The following PCOLCE2 variants were observed in gnomAD, a reference collection of about 807,000 sequenced individuals.
PCOLCE2 encodes procollagen C-proteinase enhancer 2.
In PCOLCE2, 42 loss-of-function variants were observed where a neutral mutation model predicts 47.0. The ratio of observed to expected loss-of-function variants is 0.89; its 90% CI spans 0.70 to 1.16. PCOLCE2 has a LOEUF of 1.16. PCOLCE2 is among the 50% of genes most tolerant of loss of function. The pLI is 0.00. For missense variants in PCOLCE2, 500 were observed against 526.1 expected (o/e 0.95, Z 0.49); for synonymous variants, 169 against 191.7 (o/e 0.88, Z 0.98).
At position 142,820,965 on chromosome 3, in the gene PCOLCE2, CTT is replaced by C; in HGVS notation, c.1028_1029del (p.Lys343ArgfsTer41). The C allele has an allele frequency of 6.2e-7, 1 of 1,614,086 alleles. No individual in the cohort carries two copies. Among genetic ancestry groups the C allele is most frequent in the African/African-American group, 1.3e-5 (1 of 75,028 alleles). ...HATVSIINIY[K>X]EGNLAIQQAG... Reference sequence around the variant, plus strand: ...GCCTGCTGAATCGCCAAATTTCCCTCTTTGTAGATGTTGATGATCGAGACTGT... The same window carrying C: ...GCCTGCTGAATCGCCAAATTTCCCTCTGTAGATGTTGATGATCGAGACTGT... On this transcript the variant is annotated frameshift_variant, in exon 8 of 9. Transcript: ENST00000295992. LOFTEE classifies it high-confidence loss of function.
In PCOLCE2 at chr3:142,818,181, CT is replaced by C; in HGVS notation, c.*153del. ...AACTTCCCTCAGCTATCTCGGAGGCCTCATACCTCCATCATGTGAAGAGTCA... is the reference window on the plus strand; with the variant it reads ...AACTTCCCTCAGCTATCTCGGAGGCCCATACCTCCATCATGTGAAGAGTCA... On this transcript the variant is annotated 3_prime_UTR_variant, in exon 9 of 9. Coordinates refer to ENST00000295992, the MANE Select transcript of PCOLCE2 (RefSeq NM_013363.4). 1.5e-6 allele frequency: 1 copy of C among 668,196 alleles called. No individual in the cohort carries two copies. Among genetic ancestry groups the C allele is most frequent in the Non-Finnish European group, 2.5e-6 (1 of 403,158 alleles). 41.4% of individuals were successfully genotyped at this position (668,196 alleles called of 1,614,324 possible). A position where few individuals can be genotyped will look rare whatever the true frequency, so the allele number is the denominator to read the frequency against.
intron 2 of PCOLCE2, among the ~76,000 whole-genome samples, chr3:142,857,388 T>C (rs1294153447): frequency 2.6e-5 from 4 of 152,188 alleles, no homozygotes; most frequent in Non-Finnish European, 5.9e-5. Flanking sequence ...CTTTCACATT[T>C]AGCCATGTGT....
chr3:142,857,905 C>T (rs534199452), intron 2 of PCOLCE2, among the ~76,000 whole-genome samples: 1 of 152,202 alleles, frequency 6.6e-6, no homozygotes, highest in Non-Finnish European at 1.5e-5. Flanking sequence ...TCATCTACCC[C>T]CCAGCCATTT....
chr3:142,855,572 G>A (rs1933044672), intron 2 of PCOLCE2, among the ~76,000 whole-genome samples: 1 of 152,240 alleles, frequency 6.6e-6, no homozygotes, highest in East Asian at 1.9e-4. Context: ...AGAGGCTGAG[G>A]AGATGCTCCC....
At chr3:142,829,671 C>G in intron 6 of PCOLCE2, 21 bp downstream of exon 6, 1 of 1,546,294 alleles carries the variant, frequency 6.5e-7, no homozygotes, top group Non-Finnish European at 8.7e-7. Flanking sequence ...TTTGCACAAA[C>G]TTCCAAACAG....
intron 2 of PCOLCE2, among the ~76,000 whole-genome samples, chr3:142,885,868 G>A (rs1409314321): frequency 1.3e-5 from 2 of 152,058 alleles, no homozygotes; most frequent in African/African-American, 2.4e-5. Context: ...TACCTTCTTC[G>A]CTTCTCTTCC....
chr3:142,842,985 G>A lies in PCOLCE2; in HGVS notation c.512C>T (p.Pro171Leu). 1 of 1,613,710 alleles carries A rather than the reference G, an allele frequency of 6.2e-7. No individual in the cohort carries two copies. The highest frequency in any genetic ancestry group is 1.1e-5 in the South Asian group (1 of 91,064). Reference sequence around the variant, plus strand: ...GACTCCTGCAGGGTAATCCCGGTCTGGCCAGTTGGGGGTTTTAAAAGAGCC... The same window carrying A: ...GACTCCTGCAGGGTAATCCCGGTCTAGCCAGTTGGGGGTTTTAAAAGAGCC... Reference protein sequence around the residue: ...PSGSFKTPNWPDRDYPAGVTC... With the variant: ...PSGSFKTPNWLDRDYPAGVTC... Residue 171 changes from proline to leucine, a missense_variant, in exon 4 of 9, where the codon CCA becomes CTA. Transcript: ENST00000295992. The surrounding 1 kb of genome is among the most constrained non-coding windows in gnomAD (Gnocchi z 4.1).
chr3:142,839,670 G>A (rs570918623), intron 4 of PCOLCE2, among the ~76,000 whole-genome samples: 5 of 152,160 alleles, frequency 3.3e-5, no homozygotes, highest in Non-Finnish European at 7.3e-5. Context: ...TAATAACTAT[G>A]TGAGGTGGAT....
chr3:142,846,058 T>C (rs1937325365), intron 3 of PCOLCE2, among the ~76,000 whole-genome samples: 2 of 152,310 alleles, frequency 1.3e-5, no homozygotes, highest in East Asian at 1.9e-4. Context: ...TCTTCTTCTG[T>C]ATGGAATTTA....
At chr3:142,864,909 G>T (rs1405545458) in intron 2 of PCOLCE2, among the ~76,000 whole-genome samples, 1 of 151,992 alleles carries the variant, frequency 6.6e-6, no homozygotes, top group Non-Finnish European at 1.5e-5. Flanking sequence ...CCTGTTGATG[G>T]GTATTTGAAA....
At position 142,818,224 on chromosome 3, in the gene PCOLCE2, G is replaced by A. The variant is rs917201733; in HGVS notation, c.*111C>T. 65 of 1,056,620 alleles carry A rather than the reference G, an allele frequency of 6.2e-5. No individual in the cohort carries two copies. In the Middle Eastern group the frequency reaches 6.7e-4, roughly 11 times the overall value. 65.5% of individuals were successfully genotyped at this position (1,056,620 alleles called of 1,614,324 possible). A position where few individuals can be genotyped will look rare whatever the true frequency, so the allele number is the denominator to read the frequency against. On this transcript the variant is annotated 3_prime_UTR_variant, in exon 9 of 9. Coordinates refer to ENST00000295992, the MANE Select transcript of PCOLCE2 (RefSeq NM_013363.4). ...GAAGAGTCAACCAGTCCCATCTTTC[G>A]GAATCCTCTTTCAGAATATGTAATT...
intron 5 of PCOLCE2, among the ~76,000 whole-genome samples, chr3:142,833,184 TTTC>T (rs1184402262): frequency 3.9e-5 from 6 of 152,308 alleles, no homozygotes; most frequent in Admixed American, 1.3e-4. Context: ...GCATTTTTTT[TTTC>T]TTTTTTGTTT....
Position 142,828,048 on chromosome 3 carries a change from C to T in PCOLCE2, c.865+1644G>A, listed in dbSNP as rs533681266. Among the ~76,000 whole-genome samples the T allele has an allele frequency of 9.2e-5, 14 of 152,308 alleles. No homozygotes were observed. In the South Asian group the frequency reaches 1.9e-3, roughly 20 times the overall value. Reference sequence around the variant, plus strand: ...TCTGAATTTGTGCCATAGCACAGTTCGCCTGGACCAGCACGAGACTCTGGT... The same window carrying T: ...TCTGAATTTGTGCCATAGCACAGTTTGCCTGGACCAGCACGAGACTCTGGT... On this transcript the variant is annotated intron_variant, in intron 6 of 8. Transcript: ENST00000295992.
At chr3:142,848,082 G>A (rs1361967816) in intron 3 of PCOLCE2, 135 bp downstream of exon 3, 2 of 785,266 alleles carry the variant, frequency 2.5e-6, no homozygotes, top group Admixed American at 2.9e-5. Context: ...TTTTGTATTG[G>A]TCTCATCATG....
intron 2 of PCOLCE2, among the ~76,000 whole-genome samples, chr3:142,853,771 T>G (rs1274653983): frequency 6.6e-6 from 1 of 152,238 alleles, no homozygotes; most frequent in Non-Finnish European, 1.5e-5. Context: ...AAACTCAAGG[T>G]GCTTTTTTGG....
chr3:142,887,574 C>G lies in PCOLCE2; in HGVS notation c.192+95G>C, dbSNP rs73864495. 5.3e-3 allele frequency: 3,665 copies of G among 693,006 alleles called. 110 individuals carry two copies. In the African/African-American group the frequency reaches 0.059, roughly 11 times the overall value. The allele number at this position is 693,006 out of a possible 1,614,324, so 42.9% of individuals were successfully genotyped here. A position where few individuals can be genotyped will look rare whatever the true frequency, so the allele number is the denominator to read the frequency against. ...ATTTCACTATTTCAGGCATTTGCCTCTTACTCAAATCCTAACACCAGAGGA... is the reference window on the plus strand; with the variant it reads ...ATTTCACTATTTCAGGCATTTGCCTGTTACTCAAATCCTAACACCAGAGGA... On this transcript the variant is annotated intron_variant, in intron 2 of 8. Transcript: ENST00000295992.
At position 142,820,687 on chromosome 3, in the gene PCOLCE2, A is replaced by C. The variant is rs147252903; in HGVS notation, c.1117+191T>G. ...CAAACGCTTCTTTCACTTGTTCATC[A>C]TGTCCACTACCCCTTCTTCTGCCAC... On this transcript the variant is annotated intron_variant, in intron 8 of 8. Transcript: ENST00000295992. Among the ~76,000 whole-genome samples the C allele has an allele frequency of 6.2e-3, 938 of 152,304 alleles. 16 individuals are homozygous for C. The highest frequency in any genetic ancestry group is 0.027 in the East Asian group (138 of 5,186).
intron 7 of PCOLCE2, 52 bp downstream of exon 7, chr3:142,823,480 T>A (rs531251987): frequency 1.3e-5 from 14 of 1,044,730 alleles, no homozygotes; most frequent in Middle Eastern, 2.0e-4. Flanking sequence ...AGATTAAGCA[T>A]GCAGCCTCAA....
At chr3:142,866,865 G>A (rs1279987583) in intron 2 of PCOLCE2, among the ~76,000 whole-genome samples, 1 of 152,220 alleles carries the variant, frequency 6.6e-6, no homozygotes, top group Non-Finnish European at 1.5e-5. Context: ...AAGCAAGCAG[G>A]CTTGCATATG....
Sources: allele counts gnomAD v4.1 joint callset (sites outside exome capture counted in the v4.1 genomes callset), GRCh38; gene constraint gnomAD v4.1.1; non-coding constraint Gnocchi (gnomAD v3.1); transcripts MANE v1.5; gene names NCBI Gene and HGNC (gene_info 2026-07-23, HGNC 2026-07-21).